Variants in PARD3B observed in about 807,000 individuals in gnomAD.
PARD3B encodes the protein par-3 family cell polarity regulator beta, also known as partitioning defective 3 homolog B.
In PARD3B, 103 loss-of-function variants were observed where a neutral mutation model predicts 130.2. That is an observed-to-expected ratio of 0.79 (90% CI 0.67 to 0.93). The LOEUF (loss-of-function observed/expected upper bound fraction) is 0.93. PARD3B is among the 40% of genes least tolerant of loss of function. The pLI is 0.00. For missense variants in PARD3B, 1,609 were observed against 1,499.2 expected (o/e 1.07, Z -1.21); for synonymous variants, 583 against 553.2 (o/e 1.05, Z -0.76).
rs144307700 is a variant in PARD3B at position 205,258,760 on chromosome 2, T to G, written c.2185+12938T>G. Among the ~76,000 whole-genome samples the G allele has an allele frequency of 6.6e-6, 1 of 152,342 alleles. No homozygotes were observed. Among genetic ancestry groups the G allele is most frequent in the African/African-American group, 2.4e-5 (1 of 41,584 alleles). On this transcript the variant is annotated intron_variant, in intron 16 of 22. Transcript: ENST00000406610. This position sits in a 1 kb window ranked among gnomAD's most constrained non-coding sequence, Gnocchi z 4.9. ...GTCCTAATAAATAGCTGGATTTTGT[T>G]TTGATGTTCAATGTGACAACCTGAA...
At chr2:204,875,949 G>T (rs1575187622) in intron 2 of PARD3B, among the ~76,000 whole-genome samples, 1 of 152,158 alleles carries the variant, frequency 6.6e-6, no homozygotes, top group East Asian at 1.9e-4. Flanking sequence ...TTTCGTCAAA[G>T]CCTCTTTGCA....
intron 15 of PARD3B, among the ~76,000 whole-genome samples, chr2:205,197,445 C>T (rs1465265784): frequency 6.6e-6 from 1 of 152,032 alleles, no homozygotes; most frequent in Non-Finnish European, 1.5e-5. Context: ...AGATGGTTAA[C>T]ACATTATATG....
At position 205,263,511 on chromosome 2, in the gene PARD3B, A is replaced by G. The variant is rs2040395462; in HGVS notation, c.2185+17689A>G. On this transcript the variant is annotated intron_variant, in intron 16 of 22. Coordinates refer to ENST00000406610, the MANE Select transcript of PARD3B (RefSeq NM_001302769.2). This position sits in a 1 kb window ranked among gnomAD's most constrained non-coding sequence, Gnocchi z 4.0. ...TTCAATATGGAACAATTATATGACC[A>G]CATGCAAAAAGAAAAGAAAAAATAA... 6.6e-6 allele frequency among the ~76,000 whole-genome samples: 1 copy of G among 151,170 alleles called. No individual in the cohort carries two copies. The highest frequency in any genetic ancestry group is 2.4e-5 in the African/African-American group (1 of 41,122).
chr2:204,706,284 T>C (rs554627954), intron 2 of PARD3B, among the ~76,000 whole-genome samples: 16 of 151,368 alleles, frequency 1.1e-4, no homozygotes, highest in Non-Finnish European at 1.6e-4. Flanking sequence ...GGAGAATCGC[T>C]TGAACCTAGG....
At chr2:204,856,169 T>C (rs75338008) in intron 2 of PARD3B, among the ~76,000 whole-genome samples, 9,824 of 152,206 alleles carry the variant, frequency 0.065, 448 homozygotes, top group Admixed American at 0.1. Context: ...ACCAACACTC[T>C]ACACAAAGGT....
At chr2:205,004,672 ATAAAT>A (rs946358787) in intron 3 of PARD3B, among the ~76,000 whole-genome samples, 18 of 152,238 alleles carry the variant, frequency 1.2e-4, no homozygotes, top group African/African-American at 3.4e-4. Flanking sequence ...TAATATTTTC[ATAAAT>A]TAAATTAAGA....
At position 205,591,432 on chromosome 2, in the gene PARD3B, T is replaced by C. The variant is rs910262757; in HGVS notation, c.3261-24024T>C. On this transcript the variant is annotated intron_variant, in intron 22 of 22. Coordinates refer to ENST00000406610, the MANE Select transcript of PARD3B (RefSeq NM_001302769.2). The surrounding 1 kb of genome is among the most constrained non-coding windows in gnomAD (Gnocchi z 4.2). Reference sequence around the variant, plus strand: ...TAAAAAGTTGGGGCAGGAATAATAATAACTGCCTACCATTATCAGTCACTT... The same window carrying C: ...TAAAAAGTTGGGGCAGGAATAATAACAACTGCCTACCATTATCAGTCACTT... Among the ~76,000 whole-genome samples the C allele has an allele frequency of 2.6e-5, 4 of 152,166 alleles. No individual in the cohort carries two copies. The highest frequency in any genetic ancestry group is 9.7e-5 in the African/African-American group (4 of 41,440).
chr2:205,161,468 T>C (rs995143730), intron 11 of PARD3B, among the ~76,000 whole-genome samples: 2 of 152,156 alleles, frequency 1.3e-5, no homozygotes, highest in Non-Finnish European at 2.9e-5. Context: ...TTTTGCAGTG[T>C]AAAGGGTAGA....
At chr2:205,495,215 C>T (rs898177052) in intron 20 of PARD3B, among the ~76,000 whole-genome samples, 1 of 152,076 alleles carries the variant, frequency 6.6e-6, no homozygotes, top group Non-Finnish European at 1.5e-5. Flanking sequence ...TAAGAAAGGG[C>T]CTGTTTAATG....
chr2:204,771,226 TTTGTC>T (rs888295948), intron 2 of PARD3B, among the ~76,000 whole-genome samples: 1 of 151,970 alleles, frequency 6.6e-6, no homozygotes, highest in African/African-American at 2.4e-5. Context: ...TTTTTTGCCT[TTTGTC>T]TTGAGTTCCT....
chr2:204,656,809 C>T (rs1222614950), intron 1 of PARD3B, among the ~76,000 whole-genome samples: 1 of 152,142 alleles, frequency 6.6e-6, no homozygotes, highest in Non-Finnish European at 1.5e-5. Flanking sequence ...AATGCCTAAA[C>T]CCTCATGTAC....
chr2:205,375,699 GTC>G (rs1337837002), intron 18 of PARD3B, among the ~76,000 whole-genome samples: 1 of 152,094 alleles, frequency 6.6e-6, no homozygotes, highest in Non-Finnish European at 1.5e-5. Flanking sequence ...TTAAGAGATT[GTC>G]TCTCTACTGG....
intron 15 of PARD3B, among the ~76,000 whole-genome samples, chr2:205,219,588 T>C (rs1465525722): frequency 9.7e-6 from 1 of 103,440 alleles, no homozygotes; most frequent in Non-Finnish European, 2.1e-5. Context: ...GCACTTATTG[T>C]AGCCAAGAAC....
chr2:205,574,855 TAAAAAA>T (rs5837982), intron 22 of PARD3B, among the ~76,000 whole-genome samples: 2 of 121,586 alleles, frequency 1.6e-5, no homozygotes, highest in Non-Finnish European at 3.3e-5. Context: ...CACTGAGGAG[TAAAAAA>T]AAAAAAAAAA....
At chr2:205,218,107 G>C (rs1462604797) in intron 15 of PARD3B, among the ~76,000 whole-genome samples, 1 of 151,410 alleles carries the variant, frequency 6.6e-6, no homozygotes, top group Non-Finnish European at 1.5e-5. Flanking sequence ...TGGTCAGGCT[G>C]GTCTCGAACT....
At position 205,325,497 on chromosome 2, in the gene PARD3B, A is replaced by T. The variant is rs532804550; in HGVS notation, c.2630+23796A>T. On this transcript the variant is annotated intron_variant, in intron 18 of 22. Coordinates refer to ENST00000406610, the MANE Select transcript of PARD3B (RefSeq NM_001302769.2). This position sits in a 1 kb window ranked among gnomAD's most constrained non-coding sequence, Gnocchi z 4.1. ...CTCTCCACACTCAGTACTGATAAAG[A>T]TAGTTTACTAATATCATCTCATTGT... Among the ~76,000 whole-genome samples, 2 of 147,918 alleles carry T rather than the reference A, an allele frequency of 1.4e-5. No homozygotes were observed. The highest frequency in any genetic ancestry group is 5.0e-5 in the African/African-American group (2 of 40,314).
chr2:205,589,692 G>C lies in PARD3B; in HGVS notation c.3261-25764G>C, dbSNP rs2054316997. ...TGTTGTCTCTATTGGAGAATTGCTA[G>C]AGGACTCGAGTTAGGGATGATTCAC... is the stretch of plus-strand genomic sequence containing the variant. On this transcript the variant is annotated intron_variant, in intron 22 of 22. Transcript: ENST00000406610. The surrounding 1 kb of genome is among the most constrained non-coding windows in gnomAD (Gnocchi z 4.1). Among the ~76,000 whole-genome samples, 1 of 152,126 alleles carries C rather than the reference G, an allele frequency of 6.6e-6. No individual in the cohort carries two copies. Among genetic ancestry groups the C allele is most frequent in the African/African-American group, 2.4e-5 (1 of 41,420 alleles).
chr2:204,660,701 T>C (rs1375119162), intron 1 of PARD3B, among the ~76,000 whole-genome samples: 2 of 152,218 alleles, frequency 1.3e-5, no homozygotes, highest in African/African-American at 4.8e-5. Context: ...CTCTTCCTAT[T>C]TGGTGATTTA....
At chr2:204,594,372 A>C (rs1320214129) in intron 1 of PARD3B, among the ~76,000 whole-genome samples, 1 of 152,242 alleles carries the variant, frequency 6.6e-6, no homozygotes, top group Non-Finnish European at 1.5e-5. Context: ...ATAGCAAAGA[A>C]TTAAGATAAT....
Sources: gnomAD v4.1 joint callset for allele counts (sites outside exome capture counted in the v4.1 genomes callset) on GRCh38, gnomAD v4.1.1 for gene constraint, Gnocchi (gnomAD v3.1) non-coding constraint, MANE v1.5 for transcripts, NCBI Gene and HGNC (gene_info 2026-07-23, HGNC 2026-07-21) for gene names.